TRHDE: variants seen among roughly 807,000 people sequenced by gnomAD.
TRHDE encodes thyrotropin-releasing hormone-degrading ectoenzyme.
Under a neutral mutation model 125.7 loss-of-function variants are expected in TRHDE, and 72 were observed. The observed-to-expected ratio is 0.57, with a 90% CI of 0.47 to 0.70. The LOEUF is 0.70. TRHDE is among the 30% of genes least tolerant of loss of function. The pLI is 0.00. For missense variants in TRHDE, 1,110 were observed against 1,327.1 expected (o/e 0.84, Z 2.54); for synonymous variants, 509 against 509.1 (o/e 1.00, Z 0.00).
upstream of TRHDE, among the ~76,000 whole-genome samples, chr12:72,269,026 C>A (rs1017955752): frequency 2.0e-5 from 3 of 152,076 alleles, no homozygotes; most frequent in African/African-American, 4.8e-5. Flanking sequence ...TATCTTGAAT[C>A]CAGTGACCTA....
At chr12:72,536,003 A>G (rs1418410113) in intron 6 of TRHDE, among the ~76,000 whole-genome samples, 2 of 152,130 alleles carry the variant, frequency 1.3e-5, no homozygotes, top group South Asian at 2.1e-4. Context: ...CAAAGCACCT[A>G]ATCCCTTCAC....
chr12:72,486,371 G>A (rs1281791733), intron 5 of TRHDE, among the ~76,000 whole-genome samples: 2 of 152,106 alleles, frequency 1.3e-5, no homozygotes, highest in Non-Finnish European at 2.9e-5. Flanking sequence ...CAAGTACCAC[G>A]TGCCTGTGGG....
At chr12:72,529,339 G>A (rs1485883807) in intron 6 of TRHDE, among the ~76,000 whole-genome samples, 2 of 152,010 alleles carry the variant, frequency 1.3e-5, no homozygotes, top group Non-Finnish European at 2.9e-5. Context: ...AAAGTCAGCA[G>A]TTATTATTAT....
chr12:72,643,316 T>C (rs1874145425), intron 15 of TRHDE, among the ~76,000 whole-genome samples: 1 of 152,218 alleles, frequency 6.6e-6, no homozygotes, highest in South Asian at 2.1e-4. Context: ...GTTGTATATG[T>C]AAATATATGT....
chr12:72,308,487 A>C (rs1291366833), intron 2 of TRHDE, among the ~76,000 whole-genome samples: 1 of 152,146 alleles, frequency 6.6e-6, no homozygotes, highest in Non-Finnish European at 1.5e-5. Context: ...TCTAACAAGC[A>C]TAATAAAAGC....
At chr12:72,461,900 C>T (rs188876196) in intron 3 of TRHDE, among the ~76,000 whole-genome samples, 2 of 152,274 alleles carry the variant, frequency 1.3e-5, no homozygotes, top group East Asian at 3.9e-4. Context: ...ATAGTGATAA[C>T]ATTTATCATG....
chr12:72,192,854 T>C (rs1877367406), intron 2 of TRHDE, among the ~76,000 whole-genome samples: 1 of 152,112 alleles, frequency 6.6e-6, no homozygotes, highest in Non-Finnish European at 1.5e-5. Context: ...ATCCAATTTG[T>C]AATTTTTATT....
chr12:72,655,591 T>C (rs1459479272), intron 17 of TRHDE, among the ~76,000 whole-genome samples: 1 of 152,208 alleles, frequency 6.6e-6, no homozygotes, highest in African/African-American at 2.4e-5. Context: ...TGTATAATTT[T>C]ATCACCACAT....
In TRHDE at chr12:72,272,722, G is replaced by GAGA. The variant is rs2139404834; in HGVS notation, c.81_82insAAG (p.Glu27_Glu28insLys). Reference sequence around the variant, plus strand: ...GAAAAAGAAGAGGAAGAAGAAGAAGGAGGAGGAGGAGGAGGAGGAGGGGGC... The same window carrying GAGA: ...GAAAAAGAAGAGGAAGAAGAAGAAGGAGAAGGAGGAGGAGGAGGAGGAGGGGGC... On this transcript the variant is annotated inframe_insertion, in exon 1 of 19. Transcript: ENST00000261180. This position sits in a 1 kb window ranked among gnomAD's most constrained non-coding sequence, Gnocchi z 6.7. 1 of 1,366,336 alleles carries GAGA rather than the reference G, an allele frequency of 7.3e-7. No homozygotes were observed. The allele number at this position is 1,366,336 out of a possible 1,614,324, so 84.6% of individuals were successfully genotyped here. A position where few individuals can be genotyped will look rare whatever the true frequency, so the allele number is the denominator to read the frequency against.
chr12:72,177,057 A>ACTGGC (rs1180632299), intron 2 of TRHDE, among the ~76,000 whole-genome samples: 3 of 152,118 alleles, frequency 2.0e-5, no homozygotes, highest in African/African-American at 7.2e-5. Flanking sequence ...AATTCAAGTG[A>ACTGGC]CTGGCCTTAG....
chr12:72,220,184 T>A (rs1351758235), intron 2 of TRHDE, among the ~76,000 whole-genome samples: 1 of 152,156 alleles, frequency 6.6e-6, no homozygotes. Flanking sequence ...TGACTTGGAT[T>A]GCATCTTTTA....
At chr12:72,651,180 A>G (rs1874491181) in intron 15 of TRHDE, among the ~76,000 whole-genome samples, 1 of 152,142 alleles carries the variant, frequency 6.6e-6, no homozygotes. Flanking sequence ...TTTGCTGAAA[A>G]AGAATAAGTT....
chr12:72,620,711 C>G (rs931839780), intron 13 of TRHDE, among the ~76,000 whole-genome samples: 1 of 151,922 alleles, frequency 6.6e-6, no homozygotes, highest in Non-Finnish European at 1.5e-5. Flanking sequence ...TTAAATATGC[C>G]TTGTTGATAT....
chr12:72,519,764 T>A (rs1879085439), intron 6 of TRHDE, among the ~76,000 whole-genome samples: 1 of 152,184 alleles, frequency 6.6e-6, no homozygotes, highest in African/African-American at 2.4e-5. Flanking sequence ...TTTTTCCCCA[T>A]CTTTGTGGTT....
At chr12:72,417,991 T>C (rs1873801170) in intron 3 of TRHDE, among the ~76,000 whole-genome samples, 1 of 152,014 alleles carries the variant, frequency 6.6e-6, no homozygotes. Flanking sequence ...CTTTCAGATG[T>C]CCCAACTATT....
At chr12:72,391,866 G>A (rs1872623078) in intron 3 of TRHDE, among the ~76,000 whole-genome samples, 1 of 152,158 alleles carries the variant, frequency 6.6e-6, no homozygotes, top group Admixed American at 6.5e-5. Flanking sequence ...GGATTGAATT[G>A]TGTCTCCCCA....
intron 2 of TRHDE, among the ~76,000 whole-genome samples, chr12:72,287,577 G>GACAC (rs10606890): frequency 0.04 from 5,840 of 147,768 alleles, 136 homozygotes; most frequent in Non-Finnish European, 0.051. Flanking sequence ...TCTATGTATA[G>GACAC]ACACACACAC....
intron 5 of TRHDE, among the ~76,000 whole-genome samples, chr12:72,482,751 C>T (rs1362576247): frequency 6.6e-6 from 1 of 151,908 alleles, no homozygotes; most frequent in African/African-American, 2.4e-5. Context: ...ATTGCCCCTT[C>T]AGAGGAAAAT....
intron 2 of TRHDE, among the ~76,000 whole-genome samples, chr12:72,232,619 T>A (rs1878268473): frequency 6.6e-6 from 1 of 151,936 alleles, no homozygotes; most frequent in Admixed American, 6.6e-5. Flanking sequence ...AGGGTCTAGG[T>A]GGTGAGAAAT....
Sources: gnomAD v4.1 joint callset for allele counts (sites outside exome capture counted in the v4.1 genomes callset) on GRCh38, gnomAD v4.1.1 for gene constraint, Gnocchi (gnomAD v3.1) non-coding constraint, MANE v1.5 for transcripts, NCBI Gene and HGNC (gene_info 2026-07-23, HGNC 2026-07-21) for gene names.